Variants in MCMDC2 observed in about 807,000 individuals in gnomAD.
MCMDC2 encodes the protein minichromosome maintenance domain-containing protein 2.
A neutral mutation model predicts 75.8 loss-of-function variants in MCMDC2; 54 were observed. The observed-to-expected ratio is 0.71, with a 90% confidence interval of 0.57 to 0.89. The LOEUF (loss-of-function observed/expected upper bound fraction) is 0.89. Ranked by LOEUF, MCMDC2 falls within the 40% of genes least tolerant of loss-of-function variation. The probability of loss-of-function intolerance (pLI) is 0.00; values close to 1 mark genes in which losing one functional copy is unlikely to be tolerated. For missense variants in MCMDC2, 656 were observed against 780.4 expected (o/e 0.84, Z 1.90); for synonymous variants, 249 against 274.6 (o/e 0.91, Z 0.92).
rs1276653038 is a variant in MCMDC2 at position 66,905,213 on chromosome 8, TTTTC to T, written c.1770-9_1770-6del. On this transcript the variant is annotated splice_polypyrimidine_tract_variant and intron_variant, in intron 13 of 14. Transcript: ENST00000422365. ...ATCAACATATTTTCTTTGGCAACTATTTTCTTTTTTAGCGTTTTCCTATCTGAAG... is the reference window on the plus strand; with the variant it reads ...ATCAACATATTTTCTTTGGCAACTATTTTTTTAGCGTTTTCCTATCTGAAG... 1 of 1,395,004 alleles carries T rather than the reference TTTTC, an allele frequency of 7.2e-7. No homozygotes were observed. Among genetic ancestry groups the T allele is most frequent in the Non-Finnish European group, 9.3e-7 (1 of 1,071,378 alleles). 86.4% of individuals were successfully genotyped at this position (1,395,004 alleles called of 1,614,324 possible).
chr8:66,905,184 T>A, intron 13 of MCMDC2, 42 bp from the exon 14 acceptor site: 3 of 1,335,542 alleles, frequency 2.2e-6, no homozygotes, highest in Non-Finnish European at 2.9e-6. Flanking sequence ...ATTATTTTTA[T>A]AATATCAACA....
intron 9 of MCMDC2, among the ~76,000 whole-genome samples, chr8:66,886,365 A>G (rs1811839851): frequency 6.6e-6 from 1 of 151,946 alleles, no homozygotes; most frequent in Non-Finnish European, 1.5e-5. Context: ...GGGTTTTATC[A>G]TATTGGCCCG....
At position 66,920,789 on chromosome 8, in the gene MCMDC2, TAGGCCTCCG is replaced by T. The variant is rs1476146973; in HGVS notation, c.*1623_*1631del. ...GACCTTGCAAGTAATTCTCCCACCT[TAGGCCTCCG>T]AGTAGCTGGGACTACAGGGACATGC... On this transcript the variant is annotated 3_prime_UTR_variant, in exon 15 of 15. Transcript: ENST00000422365. The T allele has an allele frequency of 2.6e-5, 4 of 152,102 alleles. No individual in the cohort carries two copies. The highest frequency in any genetic ancestry group is 9.7e-5 in the African/African-American group (4 of 41,410). The allele number at this position is 152,102 out of a possible 1,614,324, so 9.4% of individuals were successfully genotyped here.
intron 13 of MCMDC2, among the ~76,000 whole-genome samples, chr8:66,902,484 T>C (rs1812709553): frequency 6.8e-6 from 1 of 147,308 alleles, no homozygotes; most frequent in African/African-American, 2.5e-5. Context: ...AGGTCAGGAG[T>C]TTGAGCCCAG....
chr8:66,887,384 C>CAAAA (rs1334744459), intron 9 of MCMDC2, among the ~76,000 whole-genome samples: 5 of 84,724 alleles, frequency 5.9e-5, no homozygotes, highest in Non-Finnish European at 5.8e-5. Flanking sequence ...ACTAAAAATA[C>CAAAA]AAAAAAAAAA....
intron 4 of MCMDC2, among the ~76,000 whole-genome samples, chr8:66,876,160 C>G (rs1811274269): frequency 1.3e-5 from 2 of 152,176 alleles, no homozygotes; most frequent in Non-Finnish European, 2.9e-5. Flanking sequence ...TGTTCATTGC[C>G]TAGAATTCGT....
At chr8:66,884,926 G>A (rs1007214965) in intron 9 of MCMDC2, among the ~76,000 whole-genome samples, 1 of 151,950 alleles carries the variant, frequency 6.6e-6, no homozygotes, top group Non-Finnish European at 1.5e-5. Flanking sequence ...AGAGGCGCAC[G>A]CCACTACACT....
At chr8:66,899,591 G>C (rs556470924) in intron 12 of MCMDC2, among the ~76,000 whole-genome samples, 19 of 152,008 alleles carry the variant, frequency 1.2e-4, no homozygotes, top group Non-Finnish European at 2.4e-4. Context: ...CGCCTGCTGG[G>C]TTCAAGTGAT....
At position 66,880,878 on chromosome 8, in the gene MCMDC2, A is replaced by G; in HGVS notation, c.739A>G (p.Asn247Asp). Residue 247 changes from asparagine to aspartate, a missense_variant, in exon 8 of 15, where the codon AAT becomes GAT. Coordinates refer to ENST00000422365, the MANE Select transcript of MCMDC2 (RefSeq NM_173518.5). ...ATCAGTGAATAAAATGAATATAGGA[A>G]ATGAATATAAAATTATTGGAATTCC... is the stretch of plus-strand genomic sequence containing the variant. ...DESVNKMNIG[N>D]EYKIIGIPTC... The G allele has an allele frequency of 6.4e-7, 1 of 1,561,316 alleles. No homozygotes were observed. Among genetic ancestry groups the G allele is most frequent in the South Asian group, 1.2e-5 (1 of 80,296 alleles).
intron 11 of MCMDC2, 126 bp downstream of exon 11, chr8:66,896,462 T>A: frequency 1.2e-6 from 1 of 848,920 alleles, no homozygotes; most frequent in Non-Finnish European, 1.7e-6. Context: ...AACTACATGA[T>A]GACCCAGTTG....
intron 13 of MCMDC2, among the ~76,000 whole-genome samples, chr8:66,904,977 G>C (rs773153889): frequency 1.3e-5 from 2 of 152,018 alleles, no homozygotes; most frequent in African/African-American, 2.4e-5. Context: ...ACAAAACTTC[G>C]GGAGGGGAGT....
At position 66,886,085 on chromosome 8, in the gene MCMDC2, G is replaced by A. The variant is rs2130812533; in HGVS notation, c.1073+2091G>A. ...TAAACATTCTTGCACAAGTCTTTTT[G>A]TGGACATGTATTTTCATTATCTTGG... is the stretch of plus-strand genomic sequence containing the variant. On this transcript the variant is annotated intron_variant, in intron 9 of 14. Transcript: ENST00000422365. Among the ~76,000 whole-genome samples, 2 of 151,184 alleles carry A rather than the reference G, an allele frequency of 1.3e-5. 1 individual carries two copies. The highest frequency in any genetic ancestry group is 4.2e-4 in the South Asian group (2 of 4,796).
chr8:66,914,154 A>T (rs1185502206), intron 14 of MCMDC2, among the ~76,000 whole-genome samples: 1 of 151,490 alleles, frequency 6.6e-6, no homozygotes, highest in Non-Finnish European at 1.5e-5. Context: ...GTGATGGTGT[A>T]TACCTGTAGT....
At chr8:66,903,660 A>T (rs1448983429) in intron 13 of MCMDC2, among the ~76,000 whole-genome samples, 2 of 152,190 alleles carry the variant, frequency 1.3e-5, no homozygotes, top group Non-Finnish European at 2.9e-5. Context: ...CAGAGTAAAT[A>T]AACCCCTAGC....
At chr8:66,923,333 A>G (rs1396908278), downstream of MCMDC2, among the ~76,000 whole-genome samples, 1 of 152,186 alleles carries the variant, frequency 6.6e-6, no homozygotes, top group African/African-American at 2.4e-5. Context: ...GGGGCAAAAA[A>G]TCATGTCATA....
chr8:66,902,721 T>C lies in MCMDC2; in HGVS notation c.1769+1373T>C, dbSNP rs867075455. Among the ~76,000 whole-genome samples the C allele has an allele frequency of 2.3e-5, 3 of 131,764 alleles. 1 individual carries two copies. Among genetic ancestry groups the C allele is most frequent in the Admixed American group, 2.3e-4 (3 of 13,302 alleles). 86.4% of individuals were successfully genotyped at this position (131,764 alleles called of 152,430 possible). A position where few individuals can be genotyped will look rare whatever the true frequency, so the allele number is the denominator to read the frequency against. ...AAAAAAAAAAAAAAAAATATATATA[T>C]ATATATATATATATATATATACATA... On this transcript the variant is annotated intron_variant, in intron 13 of 14. Coordinates refer to ENST00000422365, the MANE Select transcript of MCMDC2 (RefSeq NM_173518.5).
intron 14 of MCMDC2, among the ~76,000 whole-genome samples, chr8:66,911,870 C>T (rs527253527): frequency 2.6e-5 from 4 of 151,810 alleles, no homozygotes; most frequent in Non-Finnish European, 4.4e-5. Flanking sequence ...TGCTCATTGA[C>T]AATGCACCTG....
chr8:66,874,083 T>C lies in MCMDC2; in HGVS notation c.-58T>C, dbSNP rs554585488. ...CACATCCTTTCTATGAGTTTCGCCA[T>C]CTATAGCTTTTATCAACAATTGTGG... On this transcript the variant is annotated 5_prime_UTR_variant, in exon 2 of 15. Coordinates refer to ENST00000422365, the MANE Select transcript of MCMDC2 (RefSeq NM_173518.5). The C allele has an allele frequency of 8.0e-7, 1 of 1,246,868 alleles. No individual in the cohort carries two copies. Among genetic ancestry groups the C allele is most frequent in the East Asian group, 2.4e-5 (1 of 41,308 alleles). The allele number at this position is 1,246,868 out of a possible 1,614,324, so 77.2% of individuals were successfully genotyped here. A position where few individuals can be genotyped will look rare whatever the true frequency, so the allele number is the denominator to read the frequency against.
intron 4 of MCMDC2, among the ~76,000 whole-genome samples, chr8:66,876,206 A>G (rs780258468): frequency 3.3e-5 from 5 of 152,164 alleles, no homozygotes; most frequent in Admixed American, 6.6e-5. Flanking sequence ...TAATTTTTCT[A>G]ATTTTAGCAT....
Sources: allele counts gnomAD v4.1 joint callset (sites outside exome capture counted in the v4.1 genomes callset), GRCh38; gene constraint gnomAD v4.1.1; transcripts MANE v1.5; gene names NCBI Gene and HGNC (gene_info 2026-07-23, HGNC 2026-07-21).